SLC41A1: variants seen among roughly 807,000 people sequenced by gnomAD.
The protein encoded by SLC41A1 is solute carrier family 41 (magnesium transporter), member 1.
SLC41A1 carries 20 observed loss-of-function variants against 47.3 expected under a neutral mutation model. That is an observed-to-expected ratio of 0.42 (90% CI 0.30 to 0.61). The LOEUF is 0.61. SLC41A1 is among the 20% of genes least tolerant of loss of function. SLC41A1 has a pLI of 0.17. For missense variants in SLC41A1, 504 were observed against 674.1 expected (o/e 0.75, Z 2.79); for synonymous variants, 282 against 272.7 (o/e 1.03, Z -0.34).
chr1:205,801,183 A>G (rs1165306172), intron 2 of SLC41A1, 123 bp from the exon 3 acceptor site: 4 of 758,408 alleles, frequency 5.3e-6, no homozygotes, highest in East Asian at 2.7e-5. Context: ...TGAGCACGCC[A>G]GCCACCTTTC....
chr1:205,799,141 G>A (rs369947068), intron 4 of SLC41A1, 40 bp from the exon 5 acceptor site: 3 of 1,610,814 alleles, frequency 1.9e-6, no homozygotes, highest in Non-Finnish European at 2.5e-6. Context: ...CCTGAGAGCA[G>A]TGGGCTTCCT....
At chr1:205,799,250 G>T in intron 4 of SLC41A1, 149 bp from the exon 5 acceptor site, 1 of 1,088,178 alleles carries the variant, frequency 9.2e-7, no homozygotes, top group South Asian at 1.4e-5. Context: ...AGGCTGGAAG[G>T]ATGTCTTTAT....
At position 205,811,420 on chromosome 1, in the gene SLC41A1, T is replaced by C. The variant is rs370676629; in HGVS notation, c.-646-333A>G. 1.0e-3 allele frequency among the ~76,000 whole-genome samples: 152 copies of C among 152,210 alleles called. 1 individual carries two copies. Among genetic ancestry groups the C allele is most frequent in the African/African-American group, 3.4e-3 (142 of 41,522 alleles). The stretch of plus-strand genomic sequence containing the variant: ...TCCTCAGCAACTGGGGGTGGGTAGG[T>C]GTGTCCTCAGCAAGACCCCTTCTTG... On this transcript the variant is annotated intron_variant, in intron 1 of 10. Coordinates refer to ENST00000367137, the MANE Select transcript of SLC41A1 (RefSeq NM_173854.6).
At chr1:205,800,819 G>A in intron 3 of SLC41A1, 134 bp downstream of exon 3, 1 of 819,684 alleles carries the variant, frequency 1.2e-6, no homozygotes, top group Non-Finnish European at 2.0e-6. Context: ...GCCCAGCCAG[G>A]CCCTCCCTTC....
intron 10 of SLC41A1, among the ~76,000 whole-genome samples, chr1:205,792,392 T>C (rs960985703): frequency 6.6e-5 from 10 of 152,230 alleles, no homozygotes; most frequent in African/African-American, 2.4e-4. Context: ...AATATTAATA[T>C]AAAGCAGACA....
chr1:205,795,878 TC>T, intron 8 of SLC41A1: 1 of 340,702 alleles, frequency 2.9e-6, no homozygotes, highest in Non-Finnish European at 5.7e-6. Context: ...CCTCACCGCC[TC>T]ACCTCCTCTC....
At position 205,791,513 on chromosome 1, in the gene SLC41A1, G is replaced by A. The variant is rs1407034217; in HGVS notation, c.*20C>T. On this transcript the variant is annotated 3_prime_UTR_variant, in exon 11 of 11. Transcript: ENST00000367137. This position sits in a 1 kb window ranked among gnomAD's most constrained non-coding sequence, Gnocchi z 4.0. The stretch of plus-strand genomic sequence containing the variant: ...CAAATAGAAAGTGCAGAGGGATGGG[G>A]AAAATGTTGAGTGACCAAGCTAGTC... 1.2e-6 allele frequency: 2 copies of A among 1,613,902 alleles called. No homozygotes were observed. Among genetic ancestry groups the A allele is most frequent in the African/African-American group, 2.7e-5 (2 of 74,886 alleles).
At position 205,810,311 on chromosome 1, in the gene SLC41A1, C is replaced by T. The variant is rs773946620; in HGVS notation, c.131G>A (p.Gly44Glu). ...AGTSEFLGPDGAGVEVVIESR... is the reference protein window; with the variant it reads ...AGTSEFLGPDEAGVEVVIESR... ...CTCAATCACCACCTCTACCCCAGCC[C>T]CATCAGGCCCCAGGAACTCTGAGGT... is the stretch of plus-strand genomic sequence containing the variant. Residue 44 changes from glycine (G) to glutamate (E), a missense_variant, in exon 2 of 11, where the codon GGG becomes GAG. Gly to Glu is a moderately conservative substitution (Grantham distance 98). Coordinates refer to ENST00000367137, the MANE Select transcript of SLC41A1 (RefSeq NM_173854.6). The surrounding 1 kb of genome is among the most constrained non-coding windows in gnomAD (Gnocchi z 5.5). 2 of 1,614,200 alleles carry T rather than the reference C, an allele frequency of 1.2e-6. No individual in the cohort carries two copies. The highest frequency in any genetic ancestry group is 1.7e-6 in the Non-Finnish European group (2 of 1,180,042).
In SLC41A1 at chr1:205,810,518, G is replaced by C; in HGVS notation, c.-77C>G. The C allele has an allele frequency of 6.2e-7, 1 of 1,609,770 alleles. No individual in the cohort carries two copies. The highest frequency in any genetic ancestry group is 8.5e-7 in the Non-Finnish European group (1 of 1,179,508). On this transcript the variant is annotated 5_prime_UTR_variant, in exon 2 of 11. Coordinates refer to ENST00000367137, the MANE Select transcript of SLC41A1 (RefSeq NM_173854.6). The surrounding 1 kb of genome is among the most constrained non-coding windows in gnomAD (Gnocchi z 5.5). ...CTCTCTTCTTCTCTAACTTGGGAAAGAACTTAGTCTTGGGGTGAACCCAGG... is the reference window on the plus strand; with the variant it reads ...CTCTCTTCTTCTCTAACTTGGGAAACAACTTAGTCTTGGGGTGAACCCAGG...
chr1:205,810,157 G>T lies in SLC41A1; in HGVS notation c.285C>A (p.Ser95=). ...PAPPSPLKET[S]FSIGLQVLFP... ...ACAGTACTTGCAGCCCGATGGAAAAGGAGGTCTCCTTGAGCGGGGAAGGTG... is the reference window on the plus strand; with the variant it reads ...ACAGTACTTGCAGCCCGATGGAAAATGAGGTCTCCTTGAGCGGGGAAGGTG... The change falls in exon 2 of 11, where the codon TCC becomes TCA. Residue 95 remains serine (S), a synonymous_variant. Transcript: ENST00000367137. This position sits in a 1 kb window ranked among gnomAD's most constrained non-coding sequence, Gnocchi z 5.5. The T allele has an allele frequency of 6.2e-7, 1 of 1,614,232 alleles. No individual in the cohort carries two copies. Among genetic ancestry groups the T allele is most frequent in the Non-Finnish European group, 8.5e-7 (1 of 1,180,044 alleles).
At chr1:205,794,156 ACAC>A (rs1439020854) in intron 10 of SLC41A1, among the ~76,000 whole-genome samples, 2 of 79,782 alleles carry the variant, frequency 2.5e-5, no homozygotes, top group African/African-American at 5.8e-5. Context: ...GCACACACAC[ACAC>A]GAGTGCATGT....
At position 205,791,262 on chromosome 1, in the gene SLC41A1, T is replaced by C. The variant is rs961623075; in HGVS notation, c.*271A>G. The C allele has an allele frequency of 8.5e-6, 4 of 469,648 alleles. No individual in the cohort carries two copies. Among genetic ancestry groups the C allele is most frequent in the Admixed American group, 3.3e-5 (1 of 30,438 alleles). 29.1% of individuals were successfully genotyped at this position (469,648 alleles called of 1,614,324 possible). On this transcript the variant is annotated 3_prime_UTR_variant, in exon 11 of 11. Coordinates refer to ENST00000367137, the MANE Select transcript of SLC41A1 (RefSeq NM_173854.6). This position sits in a 1 kb window ranked among gnomAD's most constrained non-coding sequence, Gnocchi z 4.0. Reference sequence around the variant, plus strand: ...CAAAACTCCCCTGCTCCAGTCCACATCACCTGGAGGCACCCACCATGAAAC... The same window carrying C: ...CAAAACTCCCCTGCTCCAGTCCACACCACCTGGAGGCACCCACCATGAAAC...
At chr1:205,792,268 T>C (rs1030688847) in intron 10 of SLC41A1, among the ~76,000 whole-genome samples, 16 of 152,230 alleles carry the variant, frequency 1.1e-4, no homozygotes, top group Non-Finnish European at 1.9e-4. Context: ...CCTGACCCTT[T>C]TCATTCTGTT....
Position 205,798,966 on chromosome 1 carries a change from G to C in SLC41A1, c.688C>G (p.Leu230Val). The C allele has an allele frequency of 6.2e-7, 1 of 1,614,158 alleles. No homozygotes were observed. The highest frequency in any genetic ancestry group is 8.5e-7 in the Non-Finnish European group (1 of 1,180,032). ...SSVATAFIAS[L>V]VLGMIMIGVI... ...GCCCTCCCTTTCTTACCCAGTACCA[G>C]GGAGGCAATGAAGGCTGTGGCCACG... is the stretch of plus-strand genomic sequence containing the variant. The change falls in exon 5 of 11, where the codon CTG (leucine) becomes GTG (valine). Residue 230 changes from leucine to valine, a missense_variant. Around this residue, in one of 2 missense-constraint regions of SLC41A1, gnomAD observed 421 missense variants for 601.6 expected, o/e 0.70. Coordinates refer to ENST00000367137, the MANE Select transcript of SLC41A1 (RefSeq NM_173854.6).
In SLC41A1 at chr1:205,800,937, C is replaced by G; in HGVS notation, c.480+16G>C. The G allele has an allele frequency of 3.1e-6, 5 of 1,611,622 alleles. No homozygotes were observed. Among genetic ancestry groups the G allele is most frequent in the Non-Finnish European group, 4.2e-6 (5 of 1,177,894 alleles). On this transcript the variant is annotated intron_variant, in intron 3 of 10. Transcript: ENST00000367137. ...AGTCCTCTCTGTGCCCCACTCCTCC[C>G]AGCCAGGATACTCACTGCAGTGGAA...
intron 1 of SLC41A1, among the ~76,000 whole-genome samples, chr1:205,811,882 C>A (rs764447268): frequency 1.3e-5 from 2 of 152,200 alleles, no homozygotes; most frequent in Non-Finnish European, 2.9e-5. Flanking sequence ...AGGGACAGAG[C>A]ATAAAACGAT....
At chr1:205,804,007 T>C (rs575648861) in intron 2 of SLC41A1, among the ~76,000 whole-genome samples, 1 of 152,160 alleles carries the variant, frequency 6.6e-6, no homozygotes, top group East Asian at 1.9e-4. Context: ...GTTTAATAGG[T>C]ACAGAGCTTC....
chr1:205,792,871 T>C (rs1558077964), intron 10 of SLC41A1, among the ~76,000 whole-genome samples: 2 of 152,152 alleles, frequency 1.3e-5, no homozygotes, highest in African/African-American at 2.4e-5. Flanking sequence ...ACCACAGCCC[T>C]TAAGGGATCC....
At chr1:205,795,058 A>G (rs1382005966) in intron 9 of SLC41A1, 40 bp from the exon 10 acceptor site, 1 of 1,610,024 alleles carries the variant, frequency 6.2e-7, no homozygotes, top group South Asian at 1.1e-5. Context: ...GGAGGGGAGG[A>G]GAAGACCTGG....
Sources: gnomAD v4.1 joint callset for allele counts (sites outside exome capture counted in the v4.1 genomes callset) on GRCh38, gnomAD v4.1.1 for gene constraint, gnomAD v4.1.1 regional missense constraint, Gnocchi (gnomAD v3.1) non-coding constraint, MANE v1.5 for transcripts, NCBI Gene and HGNC (gene_info 2026-07-23, HGNC 2026-07-21) for gene names.